ASAP1: variants seen among roughly 807,000 people sequenced by gnomAD.
ASAP1 encodes the protein ArfGAP with SH3 domain, ankyrin repeat and PH domain 1.
Under a neutral mutation model 145.2 loss-of-function variants are expected in ASAP1, and 43 were observed. That is an observed-to-expected ratio of 0.30 (90% CI 0.23 to 0.38). ASAP1 has a LOEUF of 0.38. Among genes scored for constraint, ASAP1 ranks in the 10% least tolerant of loss-of-function variants. The pLI is 1.00. For synonymous variants in ASAP1, 546 were observed against 515.5 expected (o/e 1.06, Z -0.80); for missense variants, 1,018 against 1,355.3 (o/e 0.75, Z 3.91).
chr8:130,267,884 C>T (rs988821573), intron 3 of ASAP1, among the ~76,000 whole-genome samples: 1 of 152,142 alleles, frequency 6.6e-6, no homozygotes, highest in Non-Finnish European at 1.5e-5. Context: ...CTGGTAGGAG[C>T]AGCTGAAAAA....
rs977513260 is a variant in ASAP1, at chr8:130,341,416, G to C, written c.186+16601C>G. On this transcript the variant is annotated intron_variant, in intron 3 of 29. Transcript: ENST00000518721. ...GCAGAGCAGTTAATGGCAGAGACTT[G>C]GAGACTTGAGGGTCAGACAGATCTT... Among the ~76,000 whole-genome samples, 30 of 152,138 alleles carry C rather than the reference G, an allele frequency of 2.0e-4. 1 individual carries two copies. The highest frequency in any genetic ancestry group is 7.4e-5 in the Non-Finnish European group (5 of 68,026).
At chr8:130,218,927 T>G (rs1817109443) in intron 4 of ASAP1, among the ~76,000 whole-genome samples, 1 of 152,104 alleles carries the variant, frequency 6.6e-6, no homozygotes, top group Non-Finnish European at 1.5e-5. Context: ...TATACATGTC[T>G]CACATATATA....
At chr8:130,406,624 G>C (rs1829043163) in intron 1 of ASAP1, among the ~76,000 whole-genome samples, 1 of 152,048 alleles carries the variant, frequency 6.6e-6, no homozygotes. Flanking sequence ...TGGGATTACA[G>C]GCATGTGCCA....
intron 27 of ASAP1, among the ~76,000 whole-genome samples, chr8:130,075,246 TAA>T (rs2097459656): frequency 6.6e-6 from 1 of 152,184 alleles, no homozygotes; most frequent in African/African-American, 2.4e-5. Flanking sequence ...CAACCCTAGA[TAA>T]AGACTCAGCA....
intron 3 of ASAP1, among the ~76,000 whole-genome samples, chr8:130,344,749 A>G (rs1825600928): frequency 6.6e-6 from 1 of 152,162 alleles, no homozygotes; most frequent in African/African-American, 2.4e-5. Context: ...AAAAAAACAA[A>G]CAAACAAACA....
intron 2 of ASAP1, among the ~76,000 whole-genome samples, chr8:130,387,603 T>C (rs998744157): frequency 4.0e-5 from 6 of 148,648 alleles, no homozygotes; most frequent in South Asian, 4.2e-4. Context: ...TATATCAAAA[T>C]TGTCTAATGT....
chr8:130,242,164 T>C (rs1294712350), intron 3 of ASAP1, among the ~76,000 whole-genome samples: 1 of 149,416 alleles, frequency 6.7e-6, no homozygotes, highest in Non-Finnish European at 1.5e-5. Flanking sequence ...CCAGCTATCA[T>C]TACTCTCACC....
At chr8:130,125,876 T>C in intron 17 of ASAP1, 80 bp downstream of exon 17, 1 of 1,423,980 alleles carries the variant, frequency 7.0e-7, no homozygotes, top group African/African-American at 1.4e-5. Flanking sequence ...TCAGCAGACA[T>C]ACAAAAAAAA....
rs1325020946 is a variant in ASAP1, at chr8:130,358,384, G to A, written c.60-241C>T. 6.7e-6 allele frequency among the ~76,000 whole-genome samples: 1 copy of A among 148,306 alleles called. No individual in the cohort carries two copies. Among genetic ancestry groups the A allele is most frequent in the African/African-American group, 2.4e-5 (1 of 40,928 alleles). ...GCCCTTCAAACTCCAAGCCGCGCGC[G>A]AGGCAGGGGGCTCTCCGGGACCCGC... On this transcript the variant is annotated intron_variant, in intron 2 of 29. Coordinates refer to ENST00000518721, the MANE Select transcript of ASAP1 (RefSeq NM_018482.4). The surrounding 1 kb of genome is among the most constrained non-coding windows in gnomAD (Gnocchi z 4.1).
At chr8:130,332,237 G>A (rs569617580) in intron 3 of ASAP1, among the ~76,000 whole-genome samples, 1 of 152,270 alleles carries the variant, frequency 6.6e-6, no homozygotes. Flanking sequence ...CAATGAAGAT[G>A]TTGAGTGCTT....
chr8:130,148,132 A>T (rs551263006), intron 13 of ASAP1, among the ~76,000 whole-genome samples: 1 of 152,354 alleles, frequency 6.6e-6, no homozygotes, highest in Admixed American at 6.5e-5. Context: ...TTCAAGGAGT[A>T]TCAAGGTAAG....
chr8:130,151,800 T>C (rs1470715687), intron 13 of ASAP1, among the ~76,000 whole-genome samples: 1 of 152,216 alleles, frequency 6.6e-6, no homozygotes, highest in African/African-American at 2.4e-5. Flanking sequence ...AGGGGGCGCT[T>C]ACAGTCTAGT....
chr8:130,160,496 C>G (rs1319940611), intron 11 of ASAP1, among the ~76,000 whole-genome samples: 1 of 152,058 alleles, frequency 6.6e-6, no homozygotes, highest in East Asian at 1.9e-4. Context: ...GTAAAATATA[C>G]CTATAACCAC....
chr8:130,189,975 C>A lies in ASAP1; in HGVS notation c.406-1792G>T, dbSNP rs546417865. The stretch of plus-strand genomic sequence containing the variant: ...TCTTTTGAGAAATATATATTCAGAT[C>A]TTTTGCCCAGTTTAAAACTGGATTT... On this transcript the variant is annotated intron_variant, in intron 5 of 29. Transcript: ENST00000518721. 5.9e-5 allele frequency among the ~76,000 whole-genome samples: 9 copies of A among 152,256 alleles called. No homozygotes were observed. The East Asian group carries it at 1.2e-3, about 20-fold the overall frequency.
intron 13 of ASAP1, among the ~76,000 whole-genome samples, chr8:130,140,204 A>T (rs189584085): frequency 9.4e-5 from 14 of 148,876 alleles, no homozygotes; most frequent in African/African-American, 1.5e-4. Flanking sequence ...GGTTATTACT[A>T]TTTTTTTTTG....
intron 1 of ASAP1, among the ~76,000 whole-genome samples, chr8:130,439,611 C>T (rs1830426321): frequency 6.6e-6 from 1 of 151,910 alleles, no homozygotes; most frequent in African/African-American, 2.4e-5. Flanking sequence ...GTTGAACACA[C>T]AATGAAGGTA....
At chr8:130,209,549 G>C (rs999617228) in intron 5 of ASAP1, among the ~76,000 whole-genome samples, 2 of 103,748 alleles carry the variant, frequency 1.9e-5, no homozygotes, top group Non-Finnish European at 4.2e-5. Context: ...TGCTCTTACA[G>C]TAAAAAAAAA....
At chr8:130,181,712 C>T (rs1191859542) in intron 7 of ASAP1, among the ~76,000 whole-genome samples, 6 of 152,158 alleles carry the variant, frequency 3.9e-5, no homozygotes, top group African/African-American at 9.7e-5. Flanking sequence ...GAAAGGCCCA[C>T]ATTAAACATA....
intron 1 of ASAP1, among the ~76,000 whole-genome samples, chr8:130,428,317 C>T (rs1396870898): frequency 2.0e-5 from 3 of 150,240 alleles, no homozygotes; most frequent in African/African-American, 7.4e-5. Flanking sequence ...AATATTCATG[C>T]CAGTGCTCGC....
Sources: allele counts gnomAD v4.1 joint callset (sites outside exome capture counted in the v4.1 genomes callset), GRCh38; gene constraint gnomAD v4.1.1; non-coding constraint Gnocchi (gnomAD v3.1); transcripts MANE v1.5; gene names NCBI Gene and HGNC (gene_info 2026-07-23, HGNC 2026-07-21).